DUSP22: variants seen among roughly 807,000 people sequenced by gnomAD.
DUSP22 encodes the protein dual specificity protein phosphatase 22.
Under a neutral mutation model 24.5 loss-of-function variants are expected in DUSP22, and 24 were observed. That is an observed-to-expected ratio of 0.98 (90% CI 0.71 to 1.38). The LOEUF is 1.38. DUSP22 is among the 40% of genes most tolerant of loss of function. DUSP22 has a pLI of 0.00. For missense variants in DUSP22, 330 were observed against 269.2 expected (o/e 1.23, Z -1.58); for synonymous variants, 160 against 106.4 (o/e 1.50, Z -3.10).
intron 3 of DUSP22, among the ~76,000 whole-genome samples, chr6:324,436 AT>A (rs1281941805): frequency 6.6e-6 from 1 of 152,308 alleles, no homozygotes; most frequent in East Asian, 1.9e-4. Flanking sequence ...GAGCACAGGA[AT>A]GCAGCACGTC....
chr6:348,214 C>G lies in DUSP22; in HGVS notation c.375C>G (p.Ala125=). The G allele has an allele frequency of 2.5e-6, 4 of 1,614,308 alleles. No homozygotes were observed. The highest frequency in any genetic ancestry group is 3.4e-6 in the Non-Finnish European group (4 of 1,180,054). Residue 125 remains alanine (A), a synonymous_variant, in exon 6 of 7, where the codon GCC becomes GCG. Transcript: ENST00000419235. ...LHTVRAGRSC[A]NPNVGFQRQL... is the part of the protein sequence containing the mutation. ...CCGTGCGTGCTGGGAGATCCTGTGC[C>G]AACCCCAACGTGGGCTTCCAGAGAC...
intron 1 of DUSP22, among the ~76,000 whole-genome samples, chr6:303,414 G>A (rs1442065829): frequency 6.6e-6 from 1 of 152,304 alleles, no homozygotes; most frequent in Non-Finnish European, 1.5e-5. Flanking sequence ...GCCCTGACAT[G>A]AGCCACAATA....
At chr6:344,711 T>C (rs1306202043) in intron 4 of DUSP22, among the ~76,000 whole-genome samples, 1 of 152,308 alleles carries the variant, frequency 6.6e-6, no homozygotes, top group African/African-American at 2.4e-5. Flanking sequence ...CACGGTCCAG[T>C]AAATGGCAAA....
intron 2 of DUSP22, among the ~76,000 whole-genome samples, chr6:310,941 G>A (rs539075551): frequency 9.2e-5 from 14 of 152,418 alleles, no homozygotes; most frequent in African/African-American, 3.1e-4. Flanking sequence ...AAAGGAAGAA[G>A]CTGAGGCAAA....
At chr6:309,250 A>G (rs1417789185) in intron 2 of DUSP22, among the ~76,000 whole-genome samples, 1 of 152,308 alleles carries the variant, frequency 6.6e-6, no homozygotes, top group Non-Finnish European at 1.5e-5. Flanking sequence ...GGGGAGTGAG[A>G]GGACACTGCT....
intron 5 of DUSP22, among the ~76,000 whole-genome samples, chr6:347,441 C>G (rs564306398): frequency 6.6e-6 from 1 of 152,422 alleles, no homozygotes; most frequent in East Asian, 1.9e-4. Context: ...CACAGCCATT[C>G]TGTGACCGCC....
At chr6:345,490 G>A (rs1473912190) in intron 4 of DUSP22, among the ~76,000 whole-genome samples, 9 of 152,292 alleles carry the variant, frequency 5.9e-5, no homozygotes, top group South Asian at 4.1e-4. Flanking sequence ...GATTACAGGC[G>A]TGAGCCACCG....
intron 1 of DUSP22, among the ~76,000 whole-genome samples, chr6:298,814 ACT>A (rs1757453473): frequency 6.6e-6 from 1 of 152,298 alleles, no homozygotes; most frequent in African/African-American, 2.4e-5. Context: ...AGCGTGTTAG[ACT>A]CTGGGCAGGT....
chr6:331,935 G>A (rs910497832), intron 3 of DUSP22, among the ~76,000 whole-genome samples: 5 of 152,304 alleles, frequency 3.3e-5, no homozygotes, highest in Admixed American at 6.5e-5. Flanking sequence ...CAGGAGGGAC[G>A]CTGGTGTCCC....
intron 5 of DUSP22, among the ~76,000 whole-genome samples, chr6:346,323 A>G (rs1759869723): frequency 6.6e-6 from 1 of 152,288 alleles, no homozygotes; most frequent in Admixed American, 6.5e-5. Flanking sequence ...TTTTTTCTTC[A>G]GGAGACTTGA....
intron 2 of DUSP22, 29 bp from the exon 3 acceptor site, chr6:311,851 A>G (rs530038011): frequency 1.2e-5 from 19 of 1,603,546 alleles, no homozygotes; most frequent in Middle Eastern, 1.7e-4. Context: ...AAAGATATCA[A>G]AATGTCCATC....
At chr6:305,730 G>A (rs1171473424) in intron 2 of DUSP22, among the ~76,000 whole-genome samples, 2 of 152,304 alleles carry the variant, frequency 1.3e-5, no homozygotes, top group Non-Finnish European at 2.9e-5. Flanking sequence ...ATAGAGATGA[G>A]GGGCCCTTAA....
At chr6:343,014 A>C (rs1759682494) in intron 4 of DUSP22, among the ~76,000 whole-genome samples, 1 of 152,308 alleles carries the variant, frequency 6.6e-6, no homozygotes, top group African/African-American at 2.4e-5. Flanking sequence ...GCTCCTGCCC[A>C]ACAAGGCTCC....
intron 5 of DUSP22, among the ~76,000 whole-genome samples, chr6:346,359 C>T (rs879623865): frequency 1.5e-4 from 23 of 152,420 alleles, no homozygotes; most frequent in Non-Finnish European, 1.9e-4. Context: ...TTCAGTATCG[C>T]GCTACTGTGA....
intron 4 of DUSP22, among the ~76,000 whole-genome samples, chr6:343,898 G>A (rs1224391362): frequency 3.3e-5 from 5 of 152,304 alleles, no homozygotes; most frequent in African/African-American, 9.6e-5. Flanking sequence ...AGAGTCCCTG[G>A]CAAATTGTCA....
chr6:350,005 G>C lies in DUSP22; in HGVS notation c.*1054G>C. On this transcript the variant is annotated 3_prime_UTR_variant, in exon 7 of 7. Transcript: ENST00000419235. ...AATTGGGAAGAAAGAGCATTTATTA[G>C]GCACTGTAGCAATTTGCATTTTAAA... 6 of 985,762 alleles carry C rather than the reference G, an allele frequency of 6.1e-6. No individual in the cohort carries two copies. The highest frequency in any genetic ancestry group is 7.2e-6 in the Non-Finnish European group (6 of 830,094). 61.1% of individuals were successfully genotyped at this position (985,762 alleles called of 1,614,324 possible). A position where few individuals can be genotyped will look rare whatever the true frequency, so the allele number is the denominator to read the frequency against.
At chr6:345,065 C>T (rs1759794406) in intron 4 of DUSP22, among the ~76,000 whole-genome samples, 1 of 152,300 alleles carries the variant, frequency 6.6e-6, no homozygotes, top group African/African-American at 2.4e-5. Context: ...AATTCCAAAA[C>T]TTCCAGACAA....
chr6:347,492 G>C (rs1227743020), intron 5 of DUSP22, among the ~76,000 whole-genome samples: 20 of 152,304 alleles, frequency 1.3e-4, no homozygotes, highest in African/African-American at 4.3e-4. Context: ...CACTCAGCCT[G>C]CTCCAGGTAA....
chr6:318,890 C>T (rs1758452415), intron 3 of DUSP22, among the ~76,000 whole-genome samples: 1 of 152,304 alleles, frequency 6.6e-6, no homozygotes, highest in South Asian at 2.1e-4. Context: ...AGGAAGACGT[C>T]TGTGTGTTCA....
Sources: gnomAD v4.1 joint callset for allele counts (sites outside exome capture counted in the v4.1 genomes callset) on GRCh38, gnomAD v4.1.1 for gene constraint, MANE v1.5 for transcripts, NCBI Gene and HGNC (gene_info 2026-07-23, HGNC 2026-07-21) for gene names.